ATRN: variants seen among roughly 807,000 people sequenced by gnomAD.
ATRN encodes the protein attractin-2.
Under a neutral mutation model 178.7 loss-of-function variants are expected in ATRN, and 54 were observed. The observed-to-expected ratio is 0.30, with a 90% CI of 0.24 to 0.38. The LOEUF (loss-of-function observed/expected upper bound fraction) is 0.38, where lower values mean the gene tolerates loss of function less well. Among genes scored for constraint, ATRN ranks in the 10% least tolerant of loss-of-function variants. The pLI is 1.00. For missense variants in ATRN, 1,443 were observed against 1,815.1 expected (o/e 0.79, Z 3.73); for synonymous variants, 636 against 663.0 (o/e 0.96, Z 0.63).
chr20:3,572,868 C>A lies in ATRN; in HGVS notation c.2009C>A (p.Thr670Lys). ...CCTGGTATTCGGTGTGTGTGGAACA[C>A]AGGGTCGTCTCAGTGTATCTCGTGG... ...AGPGIRCVWN[T>K]GSSQCISWAL... Residue 670 changes from threonine (T) to lysine (K), a missense_variant, in exon 12 of 29, where the codon ACA becomes AAA. Physicochemically the swap from Thr to Lys is moderately conservative, Grantham distance 78. Coordinates refer to ENST00000262919, the MANE Select transcript of ATRN (RefSeq NM_139321.3). 6.2e-7 allele frequency: 1 copy of A among 1,613,794 alleles called. No individual in the cohort carries two copies.
intron 1 of ATRN, among the ~76,000 whole-genome samples, chr20:3,485,780 C>G (rs2084685261): frequency 6.6e-6 from 1 of 151,786 alleles, no homozygotes; most frequent in Middle Eastern, 3.2e-3. Context: ...TGCCACCATG[C>G]CTGGCTTATT....
chr20:3,506,085 C>CAT (rs756654047), intron 1 of ATRN, among the ~76,000 whole-genome samples: 1 of 151,912 alleles, frequency 6.6e-6, no homozygotes, highest in African/African-American at 2.4e-5. Flanking sequence ...TACACATACA[C>CAT]ACACACACAA....
At chr20:3,530,398 G>A (rs975826872) in intron 1 of ATRN, among the ~76,000 whole-genome samples, 17 of 150,382 alleles carry the variant, frequency 1.1e-4, no homozygotes, top group African/African-American at 4.1e-4. Context: ...CGAGTAGCTG[G>A]GATTATAGGC....
At chr20:3,546,646 C>T (rs1049381215) in intron 4 of ATRN, among the ~76,000 whole-genome samples, 4 of 152,060 alleles carry the variant, frequency 2.6e-5, no homozygotes, top group Non-Finnish European at 5.9e-5. Flanking sequence ...CAACCTCGGC[C>T]TCCCAAAGTG....
At chr20:3,570,530 G>A (rs1177141799) in intron 11 of ATRN, among the ~76,000 whole-genome samples, 1 of 151,608 alleles carries the variant, frequency 6.6e-6, no homozygotes, top group African/African-American at 2.4e-5. Context: ...TTTTTCAGGG[G>A]ATGGGAGATG....
rs1047802857 is a variant in ATRN, at chr20:3,638,154, T to C, written c.3943-674T>C. Among the ~76,000 whole-genome samples, 2 of 152,334 alleles carry C rather than the reference T, an allele frequency of 1.3e-5. No individual in the cohort carries two copies. The highest frequency in any genetic ancestry group is 2.4e-5 in the African/African-American group (1 of 41,586). ...ATTTTACTTTAAGTTCTGGGATACA[T>C]GTACAGAACATGTAGATTTGTTACA... is the stretch of plus-strand genomic sequence containing the variant. On this transcript the variant is annotated intron_variant, in intron 26 of 28. Coordinates refer to ENST00000262919, the MANE Select transcript of ATRN (RefSeq NM_139321.3). This position sits in a 1 kb window ranked among gnomAD's most constrained non-coding sequence, Gnocchi z 4.5.
chr20:3,634,186 G>A (rs2087008917), intron 25 of ATRN, 125 bp from the exon 26 acceptor site: 1 of 740,708 alleles, frequency 1.4e-6, no homozygotes, highest in South Asian at 1.8e-5. Flanking sequence ...TTGTGACAAA[G>A]CATCAGAAGG....
At position 3,604,087 on chromosome 20, in the gene ATRN, A is replaced by G; in HGVS notation, c.3644-18A>G. ...CCCCAAAAAATGTCTCTTCTCTTTCATGTTTTTCTTTTAACAGCTGGAACC... is the reference window on the plus strand; with the variant it reads ...CCCCAAAAAATGTCTCTTCTCTTTCGTGTTTTTCTTTTAACAGCTGGAACC... On this transcript the variant is annotated intron_variant, in intron 23 of 28. Coordinates refer to ENST00000262919, the MANE Select transcript of ATRN (RefSeq NM_139321.3). 1 of 1,562,242 alleles carries G rather than the reference A, an allele frequency of 6.4e-7. No individual in the cohort carries two copies. Among genetic ancestry groups the G allele is most frequent in the Non-Finnish European group, 8.6e-7 (1 of 1,160,854 alleles).
At chr20:3,621,695 A>G (rs1437168092) in intron 24 of ATRN, among the ~76,000 whole-genome samples, 4 of 152,196 alleles carry the variant, frequency 2.6e-5, no homozygotes, top group Non-Finnish European at 5.9e-5. Context: ...CCCCAAATCT[A>G]TTTCACCGTT....
intron 24 of ATRN, among the ~76,000 whole-genome samples, chr20:3,619,462 C>T (rs1302605585): frequency 6.6e-6 from 1 of 152,224 alleles, no homozygotes; most frequent in African/African-American, 2.4e-5. Context: ...CCTTTCTTCT[C>T]TCTTTTCAAA....
At chr20:3,514,423 G>A (rs2085178967) in intron 1 of ATRN, among the ~76,000 whole-genome samples, 2 of 152,120 alleles carry the variant, frequency 1.3e-5, no homozygotes, top group South Asian at 4.1e-4. Context: ...CAGCAAGTCA[G>A]TCTGTCTTAT....
chr20:3,624,382 A>G (rs1161476506), intron 24 of ATRN, 129 bp from the exon 25 acceptor site: 1 of 817,150 alleles, frequency 1.2e-6, no homozygotes, highest in Non-Finnish European at 2.0e-6. Context: ...CTTTTCCTTA[A>G]GTGAAAAAAG....
chr20:3,531,700 CT>C (rs1289727974), intron 1 of ATRN, among the ~76,000 whole-genome samples: 1 of 152,060 alleles, frequency 6.6e-6, no homozygotes, highest in Non-Finnish European at 1.5e-5. Flanking sequence ...ATATCATAGG[CT>C]CATGAGTATG....
At chr20:3,629,060 C>A in intron 25 of ATRN, 9 of 985,322 alleles carry the variant, frequency 9.1e-6, no homozygotes, top group Non-Finnish European at 1.1e-5. Flanking sequence ...CAAGCCACTT[C>A]TCTTGCTTTC....
chr20:3,617,900 G>A (rs1349054890), intron 24 of ATRN, among the ~76,000 whole-genome samples: 3 of 152,094 alleles, frequency 2.0e-5, no homozygotes, highest in African/African-American at 7.2e-5. Flanking sequence ...GGGGTCAGGG[G>A]CAAAACTCCC....
At chr20:3,608,779 C>A (rs2086715662) in intron 24 of ATRN, among the ~76,000 whole-genome samples, 1 of 151,988 alleles carries the variant, frequency 6.6e-6, no homozygotes, top group African/African-American at 2.4e-5. Context: ...CCAGCCTGGC[C>A]AACATGGCAA....
rs1446281341 is a variant in ATRN, at chr20:3,489,505, A to G, written c.410+17988A>G. The G allele has an allele frequency of 3.8e-6, 5 of 1,302,584 alleles. No individual in the cohort carries two copies. The African/African-American group carries it at 7.3e-5, about 19-fold the overall frequency. The allele number at this position is 1,302,584 out of a possible 1,614,324, so 80.7% of individuals were successfully genotyped here. A position where few individuals can be genotyped will look rare whatever the true frequency, so the allele number is the denominator to read the frequency against. ...TCTCAGGGAAGCCTGGGCTAGCCCA[A>G]AAGCTGAGCTACATCCCTGAGCACT... On this transcript the variant is annotated intron_variant, in intron 1 of 28. Coordinates refer to ENST00000262919, the MANE Select transcript of ATRN (RefSeq NM_139321.3).
chr20:3,615,895 G>C (rs751840618), intron 24 of ATRN: 2 of 448,428 alleles, frequency 4.5e-6, no homozygotes, highest in Non-Finnish European at 4.5e-6. Flanking sequence ...GCCTGTTGTG[G>C]GGTGGGGGGA....
At chr20:3,554,627 C>A (rs1184475274) in intron 6 of ATRN, among the ~76,000 whole-genome samples, 1 of 152,058 alleles carries the variant, frequency 6.6e-6, no homozygotes, top group African/African-American at 2.4e-5. Context: ...AGCCACTATG[C>A]CCAGCCAGAT....
Sources: gnomAD v4.1 joint callset for allele counts (sites outside exome capture counted in the v4.1 genomes callset) on GRCh38, gnomAD v4.1.1 for gene constraint, Gnocchi (gnomAD v3.1) non-coding constraint, MANE v1.5 for transcripts, NCBI Gene and HGNC (gene_info 2026-07-23, HGNC 2026-07-21) for gene names.